ARID4A: variants seen among roughly 807,000 people sequenced by gnomAD.
ARID4A encodes the protein AT-rich interactive domain-containing protein 4A.
In ARID4A, 39 loss-of-function variants were observed where a neutral mutation model predicts 148.6. The ratio of observed to expected loss-of-function variants is 0.26; its 90% CI spans 0.20 to 0.34. The LOEUF (loss-of-function observed/expected upper bound fraction) is 0.34. Ranked by LOEUF, ARID4A falls within the 10% of genes least tolerant of loss-of-function variation. ARID4A has a pLI of 1.00. For missense variants in ARID4A, 1,265 were observed against 1,449.1 expected (o/e 0.87, Z 2.06); for synonymous variants, 475 against 481.2 (o/e 0.99, Z 0.17).
chr14:58,368,312 A>AT (rs1325827378), intron 23 of ARID4A, among the ~76,000 whole-genome samples: 1 of 152,236 alleles, frequency 6.6e-6, no homozygotes, highest in African/African-American at 2.4e-5. Context: ...AGATTGGAAG[A>AT]TTCTTCTAAA....
chr14:58,306,228 T>G, intron 5 of ARID4A, 116 bp downstream of exon 5: 1 of 764,300 alleles, frequency 1.3e-6, no homozygotes. Context: ...CCTGTCAGTT[T>G]ACTGGATATA....
intron 10 of ARID4A, 35 bp downstream of exon 10, chr14:58,329,639 T>C: frequency 6.6e-7 from 1 of 1,506,858 alleles, no homozygotes; most frequent in Non-Finnish European, 9.2e-7. Context: ...TTATTTTATG[T>C]TGTGGCTCTA....
intron 11 of ARID4A, among the ~76,000 whole-genome samples, chr14:58,341,416 A>C (rs2034113513): frequency 6.6e-6 from 1 of 152,200 alleles, no homozygotes; most frequent in Admixed American, 6.5e-5. Flanking sequence ...TCTACTATTT[A>C]CATTTTGAAG....
intron 5 of ARID4A, among the ~76,000 whole-genome samples, chr14:58,314,148 AC>A (rs1167854387): frequency 6.6e-6 from 1 of 152,208 alleles, no homozygotes; most frequent in East Asian, 1.9e-4. Context: ...AAAATATAAG[AC>A]ATTTCATAGA....
At chr14:58,323,430 CTG>C (rs1323455234) in intron 7 of ARID4A, 53 bp from the exon 8 acceptor site, 15 of 1,566,008 alleles carry the variant, frequency 9.6e-6, no homozygotes, top group Non-Finnish European at 1.3e-5. Flanking sequence ...TCACAATACT[CTG>C]TATCAAATAA....
Position 58,364,666 on chromosome 14 carries a change from A to G in ARID4A, c.2577A>G (p.Ile859Met), listed in dbSNP as rs1314874080. Residue 859 changes from isoleucine (I) to methionine (M), a missense_variant, in exon 20 of 24, where the codon ATA becomes ATG. Around this residue, in one of 9 missense-constraint regions of ARID4A, gnomAD observed 666 missense variants for 730.9 expected, o/e 0.91. Coordinates refer to ENST00000355431, the MANE Select transcript of ARID4A (RefSeq NM_002892.4). ...AAGAAAAGAAGTTGAAACGGAAAAT[A>G]CTAGGACAATCATCGCCAGAGAAAA... ...CVKEKKLKRK[I>M]LGQSSPEKKI... 1.2e-6 allele frequency: 2 copies of G among 1,613,904 alleles called. No homozygotes were observed. The highest frequency in any genetic ancestry group is 1.7e-6 in the Non-Finnish European group (2 of 1,179,980).
chr14:58,347,286 T>A (rs1371011570), intron 14 of ARID4A, among the ~76,000 whole-genome samples, 169 bp downstream of exon 14: 1 of 152,202 alleles, frequency 6.6e-6, no homozygotes, highest in African/African-American at 2.4e-5. Context: ...GCGCATCTAA[T>A]CTGCTTTACT....
intron 15 of ARID4A, among the ~76,000 whole-genome samples, chr14:58,348,392 T>C (rs2034476388): frequency 6.6e-6 from 1 of 152,250 alleles, no homozygotes; most frequent in African/African-American, 2.4e-5. Context: ...TAATAAAGGC[T>C]TATTAAATAG....
At chr14:58,307,308 T>C (rs1485584271) in intron 5 of ARID4A, among the ~76,000 whole-genome samples, 1 of 152,260 alleles carries the variant, frequency 6.6e-6, no homozygotes. Flanking sequence ...CAGTTGATGC[T>C]CAGTGTTGTG....
At chr14:58,369,485 G>A (rs1389712264) in intron 23 of ARID4A, among the ~76,000 whole-genome samples, 3 of 151,796 alleles carry the variant, frequency 2.0e-5, no homozygotes, top group Non-Finnish European at 2.9e-5. Context: ...AGTCAGCTGC[G>A]CATGGTGGCA....
At chr14:58,342,614 C>G (rs2034167413) in intron 11 of ARID4A, among the ~76,000 whole-genome samples, 1 of 152,090 alleles carries the variant, frequency 6.6e-6, no homozygotes. Flanking sequence ...TCTGTAGGAT[C>G]ATAAATACTG....
chr14:58,303,671 C>G (rs10145481), intron 3 of ARID4A: 259,046 of 368,108 alleles, frequency 0.7, 91,609 homozygotes, highest in Middle Eastern at 0.84. Context: ...CTAAAGGGTC[C>G]CTCCAGACCA....
chr14:58,347,137 C>A lies in ARID4A; in HGVS notation c.1172+20C>A. 3 of 1,257,088 alleles carry A rather than the reference C, an allele frequency of 2.4e-6. No homozygotes were observed. Among genetic ancestry groups the A allele is most frequent in the Non-Finnish European group, 2.2e-6 (2 of 898,910 alleles). 77.9% of individuals were successfully genotyped at this position (1,257,088 alleles called of 1,614,324 possible). On this transcript the variant is annotated intron_variant, in intron 14 of 23. Coordinates refer to ENST00000355431, the MANE Select transcript of ARID4A (RefSeq NM_002892.4). Reference sequence around the variant, plus strand: ...TAGAAAGTAAGTAGTATAGTTTATTCATCAAAGAATATATATTTATAGGAA... The same window carrying A: ...TAGAAAGTAAGTAGTATAGTTTATTAATCAAAGAATATATATTTATAGGAA...
At chr14:58,315,605 C>T (rs1032172690) in intron 5 of ARID4A, among the ~76,000 whole-genome samples, 1 of 151,842 alleles carries the variant, frequency 6.6e-6, no homozygotes, top group Non-Finnish European at 1.5e-5. Flanking sequence ...AGGTTTTATT[C>T]TTTTTGAAAT....
At chr14:58,356,680 C>G (rs1288000871) in intron 17 of ARID4A, among the ~76,000 whole-genome samples, 1 of 150,632 alleles carries the variant, frequency 6.6e-6, no homozygotes, top group Non-Finnish European at 1.5e-5. Flanking sequence ...ATTCAGAAGC[C>G]ATGGAATTTT....
intron 2 of ARID4A, 139 bp downstream of exon 2, chr14:58,299,999 T>A (rs1181986253): frequency 8.2e-7 from 1 of 1,216,704 alleles, no homozygotes; most frequent in South Asian, 1.2e-5. Context: ...GGAGGATGTG[T>A]TGAATGGGTG....
chr14:58,368,233 C>G (rs1172889154), intron 23 of ARID4A, among the ~76,000 whole-genome samples: 1 of 152,216 alleles, frequency 6.6e-6, no homozygotes, highest in Non-Finnish European at 1.5e-5. Flanking sequence ...TGTCCCTCTT[C>G]TAACTCAAGG....
intron 15 of ARID4A, among the ~76,000 whole-genome samples, chr14:58,350,331 G>T (rs2034577439): frequency 6.6e-6 from 1 of 152,130 alleles, no homozygotes; most frequent in Non-Finnish European, 1.5e-5. Context: ...TTCCTAAGTT[G>T]CTGGCTCTTT....
At chr14:58,329,787 C>T (rs1239639777) in intron 10 of ARID4A, among the ~76,000 whole-genome samples, 183 bp downstream of exon 10, 2 of 151,946 alleles carry the variant, frequency 1.3e-5, no homozygotes, top group African/African-American at 4.8e-5. Context: ...ATAAGTTTAA[C>T]TTTTCGTATT....
Sources: gnomAD v4.1 joint callset for allele counts (sites outside exome capture counted in the v4.1 genomes callset) on GRCh38, gnomAD v4.1.1 for gene constraint, gnomAD v4.1.1 regional missense constraint, MANE v1.5 for transcripts, NCBI Gene and HGNC (gene_info 2026-07-23, HGNC 2026-07-21) for gene names.